ARTN: variants seen among roughly 807,000 people sequenced by gnomAD.
ARTN encodes neublastin.
ARTN carries 9 observed loss-of-function variants against 15.4 expected under a neutral mutation model. That is an observed-to-expected ratio of 0.58 (90% confidence interval 0.35 to 1.02). ARTN has a LOEUF of 1.02. Ranked by LOEUF, ARTN falls within the 50% of genes least tolerant of loss-of-function variation. ARTN has a pLI of 0.02. For synonymous variants in ARTN, 163 were observed against 155.8 expected, an observed-to-expected ratio of 1.05 and a Z score of -0.35; for missense variants, 284 against 327.9, an observed-to-expected ratio of 0.87 and a Z score of 1.03.
Position 43,936,448 on chromosome 1 carries a change from C to A in ARTN, c.346C>A (p.Arg116=). ...ARAGGPGSRA[R]AAGARGCRLR... is the part of the protein sequence containing the mutation. ...GGCTGGGGGCCCGGGCAGCCGCGCTCGGGCAGCGGGGGCGCGGGGCTGCCG... is the reference window on the plus strand; with the variant it reads ...GGCTGGGGGCCCGGGCAGCCGCGCTAGGGCAGCGGGGGCGCGGGGCTGCCG... Residue 116 remains arginine (R), a synonymous_variant, in exon 5 of 5, where the codon CGG becomes AGG. Transcript: ENST00000372359. This position sits in a 1 kb window ranked among gnomAD's most constrained non-coding sequence, Gnocchi z 6.6. 8.7e-7 allele frequency: 1 copy of A among 1,151,330 alleles called. No homozygotes were observed. Among genetic ancestry groups the A allele is most frequent in the South Asian group, 4.2e-5 (1 of 23,678 alleles). 71.3% of individuals were successfully genotyped at this position (1,151,330 alleles called of 1,614,324 possible).
At chr1:43,935,885 C>G (rs2085086102) in intron 3 of ARTN, 169 bp downstream of exon 3, 2 of 896,848 alleles carry the variant, frequency 2.2e-6, no homozygotes, top group Non-Finnish European at 3.5e-6. Flanking sequence ...GGTCGGTGCA[C>G]TCAGGTGATT....
intron 3 of ARTN, 76 bp downstream of exon 3, chr1:43,935,792 G>A: frequency 7.0e-7 from 1 of 1,433,926 alleles, no homozygotes; most frequent in Middle Eastern, 1.8e-4. Context: ...GCAGGGCTTG[G>A]CTTGGGCAGC....
Position 43,936,573 on chromosome 1 carries a change from G to T in ARTN, c.471G>T (p.Ala157=). 1 of 1,563,118 alleles carries T rather than the reference G, an allele frequency of 6.4e-7. No homozygotes were observed. The highest frequency in any genetic ancestry group is 1.2e-5 in the South Asian group (1 of 85,090). The part of the protein sequence containing the change: ...FRFCSGSCRR[A]RSPHDLSLAS... The stretch of plus-strand genomic sequence containing the variant: ...TCTGCAGCGGCTCCTGCCGCCGCGC[G>T]CGCTCTCCACACGACCTCAGCCTGG... The change falls in exon 5 of 5, where the codon GCG becomes GCT. Residue 157 remains alanine, a synonymous_variant. Coordinates refer to ENST00000372359, the MANE Select transcript of ARTN (RefSeq NM_057091.3). The surrounding 1 kb of genome is among the most constrained non-coding windows in gnomAD (Gnocchi z 6.6).
Position 43,934,162 on chromosome 1 carries a change from A to G in ARTN, c.-166A>G, listed in dbSNP as rs751500103. 6.5e-6 allele frequency: 1 copy of G among 152,804 alleles called. No homozygotes were observed. The highest frequency in any genetic ancestry group is 1.5e-5 in the Non-Finnish European group (1 of 68,150). The allele number at this position is 152,804 out of a possible 1,614,324, so 9.5% of individuals were successfully genotyped here. A position where few individuals can be genotyped will look rare whatever the true frequency, so the allele number is the denominator to read the frequency against. On this transcript the variant is annotated 5_prime_UTR_variant, in exon 2 of 5. Coordinates refer to ENST00000372359, the MANE Select transcript of ARTN (RefSeq NM_057091.3). Reference sequence around the variant, plus strand: ...ACTTTTGGCTAAAAGAGGCACTGCCAGGTGTACAGTCCTGGGCATGCGCTG... The same window carrying G: ...ACTTTTGGCTAAAAGAGGCACTGCCGGGTGTACAGTCCTGGGCATGCGCTG...
Position 43,936,579 on chromosome 1 carries a change from T to A in ARTN, c.477T>A (p.Ser159=). Residue 159 remains serine, a synonymous_variant, in exon 5 of 5, where the codon TCT becomes TCA. Coordinates refer to ENST00000372359, the MANE Select transcript of ARTN (RefSeq NM_057091.3). The surrounding 1 kb of genome is among the most constrained non-coding windows in gnomAD (Gnocchi z 6.6). ...FCSGSCRRAR[S]PHDLSLASLL... Reference sequence around the variant, plus strand: ...GCGGCTCCTGCCGCCGCGCGCGCTCTCCACACGACCTCAGCCTGGCCAGCC... The same window carrying A: ...GCGGCTCCTGCCGCCGCGCGCGCTCACCACACGACCTCAGCCTGGCCAGCC... 1 of 1,573,534 alleles carries A rather than the reference T, an allele frequency of 6.4e-7. No individual in the cohort carries two copies. The highest frequency in any genetic ancestry group is 1.8e-5 in the Admixed American group (1 of 56,610).
Position 43,937,194 on chromosome 1 carries a change from A to T in ARTN, c.*429A>T, listed in dbSNP as rs2085109708. 6.3e-6 allele frequency: 1 copy of T among 159,876 alleles called. No individual in the cohort carries two copies. Among genetic ancestry groups the T allele is most frequent in the Admixed American group, 6.5e-5 (1 of 15,472 alleles). 9.9% of individuals were successfully genotyped at this position (159,876 alleles called of 1,614,324 possible). On this transcript the variant is annotated 3_prime_UTR_variant, in exon 5 of 5. Transcript: ENST00000372359. ...CCTGTGCTGGAACTGGCCTGTACTC[A>T]CTCATGGGAGCTGGCCCCTATTTAT...
At position 43,935,634 on chromosome 1, in the gene ARTN, G is replaced by A; in HGVS notation, c.-23G>A. 1 of 1,611,672 alleles carries A rather than the reference G, an allele frequency of 6.2e-7. No homozygotes were observed. Reference sequence around the variant, plus strand: ...GGGGAACAGCTCAACAATGGCTGATGGGCGCTCCTGGTGTTGATAGAGATG... The same window carrying A: ...GGGGAACAGCTCAACAATGGCTGATAGGCGCTCCTGGTGTTGATAGAGATG... On this transcript the variant is annotated 5_prime_UTR_variant, in exon 3 of 5. The change abolishes an upstream ATG in the 5' untranslated region. Coordinates refer to ENST00000372359, the MANE Select transcript of ARTN (RefSeq NM_057091.3).
intron 2 of ARTN, chr1:43,935,285 C>T: frequency 3.9e-6 from 1 of 259,118 alleles, no homozygotes; most frequent in Non-Finnish European, 7.4e-6. Flanking sequence ...ACCTACAACG[C>T]AGAGCAGGAA....
rs1571753245 is a variant in ARTN at position 43,936,546 on chromosome 1, C to G, written c.444C>G (p.Arg148=). 3 of 1,529,034 alleles carry G rather than the reference C, an allele frequency of 2.0e-6. No homozygotes were observed. In the African/African-American group the frequency reaches 4.3e-5, roughly 22 times the overall value. 94.7% of individuals were successfully genotyped at this position (1,529,034 alleles called of 1,614,324 possible). A position where few individuals can be genotyped will look rare whatever the true frequency, so the allele number is the denominator to read the frequency against. ...GCTCCGACGAGCTGGTGCGTTTCCG[C>G]TTCTGCAGCGGCTCCTGCCGCCGCG... ...GHRSDELVRF[R]FCSGSCRRAR... The change falls in exon 5 of 5, where the codon CGC becomes CGG. Residue 148 remains arginine, a synonymous_variant. Coordinates refer to ENST00000372359, the MANE Select transcript of ARTN (RefSeq NM_057091.3). The surrounding 1 kb of genome is among the most constrained non-coding windows in gnomAD (Gnocchi z 6.6).
intron 3 of ARTN, 169 bp from the exon 4 acceptor site, chr1:43,935,923 AC>A (rs2085086775): frequency 3.0e-6 from 3 of 1,010,170 alleles, no homozygotes; most frequent in Non-Finnish European, 3.0e-6. Context: ...GAGGCAGCAA[AC>A]CCATTATACT....
chr1:43,936,812 TCCTGCCTGGGA>T lies in ARTN; in HGVS notation c.*50_*60del. 2 of 1,386,748 alleles carry T rather than the reference TCCTGCCTGGGA, an allele frequency of 1.4e-6. No individual in the cohort carries two copies. Among genetic ancestry groups the T allele is most frequent in the Non-Finnish European group, 1.9e-6 (2 of 1,063,248 alleles). The allele number at this position is 1,386,748 out of a possible 1,614,324, so 85.9% of individuals were successfully genotyped here. Reference sequence around the variant, plus strand: ...AGACTGGACCCTTACCGGTGGCTCTTCCTGCCTGGGACCCTCCCGCAGAGTCCCACTAGCCA... The same window carrying T: ...AGACTGGACCCTTACCGGTGGCTCTTCCCTCCCGCAGAGTCCCACTAGCCA... On this transcript the variant is annotated 3_prime_UTR_variant, in exon 5 of 5. Transcript: ENST00000372359. This position sits in a 1 kb window ranked among gnomAD's most constrained non-coding sequence, Gnocchi z 6.6.
At chr1:43,934,999 T>C (rs956536957) in intron 2 of ARTN, among the ~76,000 whole-genome samples, 8 of 152,192 alleles carry the variant, frequency 5.3e-5, no homozygotes, top group African/African-American at 1.9e-4. Context: ...CCCCCGGCTC[T>C]GTGGTCATCG....
chr1:43,935,991 C>T (rs1303613697), intron 3 of ARTN, 102 bp from the exon 4 acceptor site: 1 of 1,521,934 alleles, frequency 6.6e-7, no homozygotes, highest in Non-Finnish European at 9.1e-7. Context: ...CATGCCCGGC[C>T]TGATCTCAGC....
At chr1:43,935,855 G>A (rs1019216412) in intron 3 of ARTN, 139 bp downstream of exon 3, 3 of 935,640 alleles carry the variant, frequency 3.2e-6, no homozygotes, top group Non-Finnish European at 4.9e-6. Flanking sequence ...AATGGGAGGA[G>A]GAGCGGGACT....
Position 43,936,895 on chromosome 1 carries a change from C to T in ARTN, c.*130C>T. On this transcript the variant is annotated 3_prime_UTR_variant, in exon 5 of 5. Coordinates refer to ENST00000372359, the MANE Select transcript of ARTN (RefSeq NM_057091.3). This position sits in a 1 kb window ranked among gnomAD's most constrained non-coding sequence, Gnocchi z 6.6. ...GGCCTCAAAGCTGAGAGGCCCCTGC[C>T]GGTGGGTGATGGATATCATCCCCGA... 4.1e-6 allele frequency: 5 copies of T among 1,229,408 alleles called. No homozygotes were observed. Among genetic ancestry groups the T allele is most frequent in the Non-Finnish European group, 4.2e-6 (4 of 960,906 alleles). The allele number at this position is 1,229,408 out of a possible 1,614,324, so 76.2% of individuals were successfully genotyped here. A position where few individuals can be genotyped will look rare whatever the true frequency, so the allele number is the denominator to read the frequency against.
intron 2 of ARTN, chr1:43,935,295 A>G: frequency 3.7e-6 from 1 of 269,246 alleles, no homozygotes; most frequent in Non-Finnish European, 7.0e-6. Flanking sequence ...CAGAGCAGGA[A>G]GGTTCTGGGA....
chr1:43,935,736 A>C lies in ARTN; in HGVS notation c.60+20A>C, dbSNP rs1354151520. Reference sequence around the variant, plus strand: ...CAGCAGGTGAGTGGTTCTCCCAGTGACTCCTACCTGGTACTGAGGAAAGGC... The same window carrying C: ...CAGCAGGTGAGTGGTTCTCCCAGTGCCTCCTACCTGGTACTGAGGAAAGGC... On this transcript the variant is annotated intron_variant, in intron 3 of 4. Coordinates refer to ENST00000372359, the MANE Select transcript of ARTN (RefSeq NM_057091.3). 1.2e-6 allele frequency: 2 copies of C among 1,603,640 alleles called. No individual in the cohort carries two copies. Among genetic ancestry groups the C allele is most frequent in the East Asian group, 4.5e-5 (2 of 44,556 alleles).
Position 43,936,256 on chromosome 1 carries a change from G to C in ARTN, c.199+25G>C. On this transcript the variant is annotated intron_variant, in intron 4 of 4. Transcript: ENST00000372359. This position sits in a 1 kb window ranked among gnomAD's most constrained non-coding sequence, Gnocchi z 6.6. ...GGTAGGTGAGAGGGCGAGGGGGCGG[G>C]GCGGGGCTGGCCCGGGACACCGCGC... 2.1e-6 allele frequency: 3 copies of C among 1,414,104 alleles called. No homozygotes were observed. Among genetic ancestry groups the C allele is most frequent in the African/African-American group, 1.5e-5 (1 of 66,194 alleles). The allele number at this position is 1,414,104 out of a possible 1,614,324, so 87.6% of individuals were successfully genotyped here.
At position 43,936,603 on chromosome 1, in the gene ARTN, C is replaced by T; in HGVS notation, c.501C>T (p.Ser167=). ...CTCCACACGACCTCAGCCTGGCCAG[C>T]CTACTGGGCGCCGGGGCCCTGCGAC... ...ARSPHDLSLA[S]LLGAGALRPP... is the part of the protein sequence containing the mutation. The change falls in exon 5 of 5, where the codon AGC becomes AGT. Residue 167 remains serine, a synonymous_variant. Transcript: ENST00000372359. The surrounding 1 kb of genome is among the most constrained non-coding windows in gnomAD (Gnocchi z 6.6). 1 of 1,590,712 alleles carries T rather than the reference C, an allele frequency of 6.3e-7. No homozygotes were observed. The highest frequency in any genetic ancestry group is 8.5e-7 in the Non-Finnish European group (1 of 1,169,722).
Sources: allele counts gnomAD v4.1 joint callset (sites outside exome capture counted in the v4.1 genomes callset), GRCh38; gene constraint gnomAD v4.1.1; non-coding constraint Gnocchi (gnomAD v3.1); transcripts MANE v1.5; gene names NCBI Gene and HGNC (gene_info 2026-07-23, HGNC 2026-07-21).